PRKD1: variants seen among roughly 807,000 people sequenced by gnomAD.
The protein encoded by PRKD1 is protein kinase D1.
PRKD1 carries 63 observed loss-of-function variants against 95.9 expected under a neutral mutation model. The observed-to-expected ratio is 0.66, with a 90% CI of 0.54 to 0.81. The LOEUF is 0.81. PRKD1 is among the 30% of genes least tolerant of loss of function. PRKD1 has a pLI of 0.00. For synonymous variants in PRKD1, 425 were observed against 423.1 expected (o/e 1.00, Z -0.05); for missense variants, 1,048 against 1,165.3 (o/e 0.90, Z 1.47).
chr14:29,922,869 C>T (rs573461513), intron 1 of PRKD1, among the ~76,000 whole-genome samples: 44 of 152,034 alleles, frequency 2.9e-4, no homozygotes, highest in African/African-American at 1.0e-3. Flanking sequence ...TGGGCCTTAT[C>T]TCAAAAAATA....
chr14:29,819,387 CAT>C (rs1890816286), intron 1 of PRKD1, among the ~76,000 whole-genome samples: 3 of 152,040 alleles, frequency 2.0e-5, no homozygotes, highest in African/African-American at 7.2e-5. Context: ...AGAGAGAGCA[CAT>C]AAATAATAAA....
At chr14:29,922,456 G>C (rs1335132666) in intron 1 of PRKD1, among the ~76,000 whole-genome samples, 1 of 152,062 alleles carries the variant, frequency 6.6e-6, no homozygotes, top group African/African-American at 2.4e-5. Flanking sequence ...ACAAGGATAA[G>C]GAAGCTCTTA....
intron 1 of PRKD1, among the ~76,000 whole-genome samples, chr14:29,888,699 T>C (rs1024841179): frequency 2.0e-5 from 3 of 152,052 alleles, no homozygotes; most frequent in Non-Finnish European, 4.4e-5. Flanking sequence ...AGAGGAGTCA[T>C]GCAAAAAAAA....
Position 29,577,114 on chromosome 14 carries a change from A to C in PRKD1, c.*124T>G. 1.0e-6 allele frequency: 1 copy of C among 997,352 alleles called. No individual in the cohort carries two copies. The highest frequency in any genetic ancestry group is 1.5e-6 in the Non-Finnish European group (1 of 669,094). 61.8% of individuals were successfully genotyped at this position (997,352 alleles called of 1,614,324 possible). On this transcript the variant is annotated 3_prime_UTR_variant, in exon 18 of 18. Transcript: ENST00000331968. ...GCAACTCAGATACATCAACAGTGCT[A>C]ACAGTTTAACAGCTTTGTTCTCATC...
intron 1 of PRKD1, among the ~76,000 whole-genome samples, chr14:29,907,544 G>A (rs2139439479): frequency 6.6e-6 from 1 of 152,290 alleles, no homozygotes; most frequent in South Asian, 2.1e-4. Context: ...ACTCTCGTGT[G>A]ATTGACCCAA....
chr14:29,900,071 C>T (rs561225873), intron 1 of PRKD1, among the ~76,000 whole-genome samples: 1 of 152,308 alleles, frequency 6.6e-6, no homozygotes, highest in African/African-American at 2.4e-5. Context: ...CGCAGCCATG[C>T]AGAACTGTGA....
intron 1 of PRKD1, among the ~76,000 whole-genome samples, chr14:29,729,082 A>C (rs1455721341): frequency 6.6e-6 from 1 of 152,194 alleles, no homozygotes; most frequent in Non-Finnish European, 1.5e-5. Context: ...TTTGCTAATA[A>C]ATCCTTGCAT....
At chr14:29,819,069 T>G (rs1049473272) in intron 1 of PRKD1, among the ~76,000 whole-genome samples, 1 of 152,082 alleles carries the variant, frequency 6.6e-6, no homozygotes, top group African/African-American at 2.4e-5. Context: ...GCTGTGTAAA[T>G]GTCTGCATTA....
chr14:29,776,370 C>T (rs1161919580), intron 1 of PRKD1, among the ~76,000 whole-genome samples: 1 of 152,016 alleles, frequency 6.6e-6, no homozygotes, highest in Non-Finnish European at 1.5e-5. Flanking sequence ...ATGTTCGAAC[C>T]CATCACAAAG....
intron 2 of PRKD1, among the ~76,000 whole-genome samples, chr14:29,707,057 C>T (rs1187176670): frequency 6.6e-6 from 1 of 152,050 alleles, no homozygotes; most frequent in Non-Finnish European, 1.5e-5. Context: ...GTTCCATATG[C>T]CCATATACTA....
At position 29,577,255 on chromosome 14, in the gene PRKD1, G is replaced by A. The variant is rs763048984; in HGVS notation, c.2722C>T (p.Arg908Cys). The change falls in exon 18 of 18, where the codon CGT becomes TGT. Residue 908 changes from arginine to cysteine, a missense_variant. Physicochemically the swap from Arg to Cys is radical, Grantham distance 180. This residue lies in a region of PRKD1 where 739 missense variants were observed against 861.9 expected (regional missense o/e 0.86). Transcript: ENST00000331968. ...GATGGAACTCAGAGGATGCTGACAC[G>A]CTCACCGAGGGCTTTCATTTCTGTT... ...EETEMKALGERVSIL is the reference protein window; with the variant it reads ...EETEMKALGECVSIL The A allele has an allele frequency of 1.9e-6, 3 of 1,612,974 alleles. No homozygotes were observed. The highest frequency in any genetic ancestry group is 2.5e-6 in the Non-Finnish European group (3 of 1,179,316).
chr14:29,857,478 A>G (rs887682170), intron 1 of PRKD1, among the ~76,000 whole-genome samples: 3 of 152,208 alleles, frequency 2.0e-5, no homozygotes, highest in Non-Finnish European at 2.9e-5. Context: ...GACAGACCCA[A>G]TGGCCTCCTG....
chr14:29,629,838 A>C (rs754629960), intron 10 of PRKD1, among the ~76,000 whole-genome samples: 1 of 152,120 alleles, frequency 6.6e-6, no homozygotes, highest in Non-Finnish European at 1.5e-5. Flanking sequence ...TACCCTGCAC[A>C]GAATACTAGG....
At chr14:29,854,919 C>A (rs1181686060) in intron 1 of PRKD1, among the ~76,000 whole-genome samples, 1 of 152,200 alleles carries the variant, frequency 6.6e-6, no homozygotes, top group Non-Finnish European at 1.5e-5. Flanking sequence ...GCAGCTTCCA[C>A]ATGGAGTTGA....
intron 1 of PRKD1, among the ~76,000 whole-genome samples, chr14:29,800,054 T>G (rs182708634): frequency 2.8e-4 from 42 of 152,232 alleles, no homozygotes; most frequent in African/African-American, 6.5e-4. Flanking sequence ...TTAGATAAAC[T>G]CAGTTCAGGC....
At chr14:29,898,908 T>A (rs140792023) in intron 1 of PRKD1, among the ~76,000 whole-genome samples, 1 of 152,220 alleles carries the variant, frequency 6.6e-6, no homozygotes, top group Non-Finnish European at 1.5e-5. Flanking sequence ...TATTTTAGAA[T>A]ACAGAAGGCA....
At chr14:29,790,522 G>A (rs977872479) in intron 1 of PRKD1, among the ~76,000 whole-genome samples, 8 of 152,074 alleles carry the variant, frequency 5.3e-5, no homozygotes, top group South Asian at 2.1e-4. Flanking sequence ...CCAGCCCCAC[G>A]GGATTTTTTA....
At chr14:29,754,124 C>T (rs1164132108) in intron 1 of PRKD1, among the ~76,000 whole-genome samples, 1 of 152,146 alleles carries the variant, frequency 6.6e-6, no homozygotes, top group African/African-American at 2.4e-5. Flanking sequence ...TGCAGCTTAA[C>T]TGATGAGAGA....
intron 1 of PRKD1, among the ~76,000 whole-genome samples, chr14:29,826,403 T>A (rs1422571145): frequency 1.1e-5 from 1 of 93,350 alleles, no homozygotes; most frequent in African/African-American, 4.5e-5. Context: ...TATACATATA[T>A]ATGATGGAAT....
Sources: gnomAD v4.1 joint callset for allele counts (sites outside exome capture counted in the v4.1 genomes callset) on GRCh38, gnomAD v4.1.1 for gene constraint, gnomAD v4.1.1 regional missense constraint, MANE v1.5 for transcripts, NCBI Gene and HGNC (gene_info 2026-07-23, HGNC 2026-07-21) for gene names.